Variants in ARID4B observed in about 807,000 individuals in gnomAD.
The protein encoded by ARID4B is AT-rich interactive domain-containing protein 4B.
A neutral mutation model predicts 147.5 loss-of-function variants in ARID4B; 26 were observed. That is an observed-to-expected ratio of 0.18 (90% confidence interval 0.13 to 0.24). The LOEUF is 0.24. Ranked by LOEUF, ARID4B falls within the 10% of genes least tolerant of loss-of-function variation. The probability of loss-of-function intolerance (pLI) is 1.00; values close to 1 mark genes in which losing one functional copy is unlikely to be tolerated. For synonymous variants in ARID4B, 512 were observed against 507.9 expected (o/e 1.01, Z -0.11); for missense variants, 1,179 against 1,511.5 (o/e 0.78, Z 3.65).
chr1:235,246,837 GAATT>G (rs1473209305), intron 6 of ARID4B, among the ~76,000 whole-genome samples: 1 of 152,026 alleles, frequency 6.6e-6, no homozygotes, highest in African/African-American at 2.4e-5. Flanking sequence ...ACAAATGTGA[GAATT>G]AAGAAATCTA....
intron 21 of ARID4B, chr1:235,176,828 C>A: frequency 2.1e-6 from 1 of 470,450 alleles, no homozygotes; most frequent in Non-Finnish European, 4.4e-6. Context: ...GCAGCCAAGC[C>A]GGCTGCTAGC....
intron 2 of ARID4B, among the ~76,000 whole-genome samples, chr1:235,291,012 T>C (rs749947080): frequency 2.0e-4 from 31 of 152,242 alleles, no homozygotes; most frequent in African/African-American, 5.5e-4. Context: ...GGTTGGAAGA[T>C]TGCTTGAGCC....
At chr1:235,282,907 A>G (rs1671751833) in intron 2 of ARID4B, among the ~76,000 whole-genome samples, 1 of 152,062 alleles carries the variant, frequency 6.6e-6, no homozygotes, top group Admixed American at 6.6e-5. Flanking sequence ...CAGCCTCCCG[A>G]GTAGTTGGGA....
chr1:235,239,523 T>C lies in ARID4B; in HGVS notation c.585+790A>G, dbSNP rs190402605. On this transcript the variant is annotated intron_variant, in intron 8 of 23. Coordinates refer to ENST00000264183, the MANE Select transcript of ARID4B (RefSeq NM_016374.6). ...GCCTAGTTATGTCCGTGAAAGATAT[T>C]AGTATATGTTCCCTTTCTAAAAGTC... Among the ~76,000 whole-genome samples, 312 of 152,326 alleles carry C rather than the reference T, an allele frequency of 2.0e-3. 2 individuals are homozygous for C. Among genetic ancestry groups the C allele is most frequent in the African/African-American group, 7.2e-3 (301 of 41,576 alleles).
At chr1:235,319,180 T>G (rs1185666448) in intron 2 of ARID4B, among the ~76,000 whole-genome samples, 1 of 152,200 alleles carries the variant, frequency 6.6e-6, no homozygotes, top group African/African-American at 2.4e-5. Context: ...TAGTGATGGA[T>G]GCACAAACTT....
At chr1:235,263,761 G>A (rs1351343067) in intron 2 of ARID4B, among the ~76,000 whole-genome samples, 2 of 151,932 alleles carry the variant, frequency 1.3e-5, no homozygotes, top group East Asian at 3.9e-4. Context: ...GCTGAGGCGG[G>A]CGGATCACGA....
At chr1:235,273,763 C>G (rs1029901186) in intron 2 of ARID4B, among the ~76,000 whole-genome samples, 4 of 152,306 alleles carry the variant, frequency 2.6e-5, no homozygotes, top group Middle Eastern at 3.4e-3. Context: ...CAACTACACA[C>G]TCAAAACACA....
chr1:235,326,139 T>C (rs1675227029), intron 2 of ARID4B, among the ~76,000 whole-genome samples: 2 of 152,150 alleles, frequency 1.3e-5, no homozygotes, highest in East Asian at 1.9e-4. Context: ...GGTTTTATTC[T>C]AGCATGTGTT....
Position 235,224,761 on chromosome 1 carries a change from T to C in ARID4B, c.912A>G (p.Pro304=). The part of the protein sequence containing the change: ...NSSEEEEEIE[P]FPEERENFLQ... The stretch of plus-strand genomic sequence containing the variant: ...GAAAGTTCTCCCTTTCTTCTGGAAA[T>C]GGTTCTATTTCTTCCTAATTTTAAT... The change falls in exon 12 of 24, where the codon CCA becomes CCG. Residue 304 remains proline, a synonymous_variant. Coordinates refer to ENST00000264183, the MANE Select transcript of ARID4B (RefSeq NM_016374.6). 2 of 1,594,990 alleles carry C rather than the reference T, an allele frequency of 1.3e-6. No individual in the cohort carries two copies. The highest frequency in any genetic ancestry group is 1.7e-6 in the Non-Finnish European group (2 of 1,165,812).
chr1:235,221,557 T>C lies in ARID4B; in HGVS notation c.1163+8A>G. 1 of 1,503,534 alleles carries C rather than the reference T, an allele frequency of 6.7e-7. No individual in the cohort carries two copies. Among genetic ancestry groups the C allele is most frequent in the Non-Finnish European group, 9.2e-7 (1 of 1,089,400 alleles). The allele number at this position is 1,503,534 out of a possible 1,614,324, so 93.1% of individuals were successfully genotyped here. A position where few individuals can be genotyped will look rare whatever the true frequency, so the allele number is the denominator to read the frequency against. ...CTGAAGATAATCATATCAATTATACTAACTTACTTTTTATAAGCACATTTA... is the reference window on the plus strand; with the variant it reads ...CTGAAGATAATCATATCAATTATACCAACTTACTTTTTATAAGCACATTTA... On this transcript the variant is annotated splice_region_variant and intron_variant, in intron 14 of 23. Transcript: ENST00000264183.
At position 235,264,092 on chromosome 1, in the gene ARID4B, GA is replaced by G. The variant is rs555770978; in HGVS notation, c.7-3341del. Among the ~76,000 whole-genome samples the G allele has an allele frequency of 5.6e-3, 856 of 152,250 alleles. 2 individuals are homozygous for G. Among genetic ancestry groups the G allele is most frequent in the Admixed American group, 7.7e-3 (117 of 15,290 alleles). ...GTGTTAATTCGTTAGAAAGAGCACA[GA>G]AAAAGCAGTGATCTGTGTTCTGATC... On this transcript the variant is annotated intron_variant, in intron 2 of 23. Coordinates refer to ENST00000264183, the MANE Select transcript of ARID4B (RefSeq NM_016374.6).
chr1:235,263,836 T>C (rs557959822), intron 2 of ARID4B, among the ~76,000 whole-genome samples: 47 of 147,368 alleles, frequency 3.2e-4, no homozygotes, highest in Non-Finnish European at 6.1e-4. Context: ...AAAAAAAAAA[T>C]ACAAAAAAAT....
chr1:235,172,866 A>G (rs1334988647), intron 22 of ARID4B, 102 bp from the exon 23 acceptor site: 2 of 974,460 alleles, frequency 2.1e-6, no homozygotes. Context: ...GTTGAGGCAG[A>G]TGAACTAAAA....
intron 23 of ARID4B, among the ~76,000 whole-genome samples, chr1:235,169,866 T>G (rs978231110): frequency 3.9e-5 from 6 of 152,162 alleles, no homozygotes; most frequent in Non-Finnish European, 8.8e-5. Flanking sequence ...TTCGTCATGT[T>G]GGCCAGTCTG....
At chr1:235,268,797 C>G (rs1338755712) in intron 2 of ARID4B, among the ~76,000 whole-genome samples, 1 of 152,128 alleles carries the variant, frequency 6.6e-6, no homozygotes, top group Admixed American at 6.5e-5. Context: ...AAATAACTCT[C>G]TCCATTATAA....
At chr1:235,279,941 C>G (rs1313654172) in intron 2 of ARID4B, among the ~76,000 whole-genome samples, 3 of 152,152 alleles carry the variant, frequency 2.0e-5, no homozygotes, top group African/African-American at 2.4e-5. Context: ...AAATTTGCAC[C>G]TGGTTTCCTC....
rs893265531 is a variant in ARID4B, at chr1:235,194,293, A to G, written c.1927-82T>C. 3 of 979,182 alleles carry G rather than the reference A, an allele frequency of 3.1e-6. No individual in the cohort carries two copies. The Admixed American group carries it at 7.5e-5, about 25-fold the overall frequency. 60.7% of individuals were successfully genotyped at this position (979,182 alleles called of 1,614,324 possible). ...TGTTAATGTCCACTTTTAACTCACT[A>G]TTACAGAATATGTTGTTAAATATTT... On this transcript the variant is annotated intron_variant, in intron 18 of 23. Coordinates refer to ENST00000264183, the MANE Select transcript of ARID4B (RefSeq NM_016374.6).
intron 2 of ARID4B, among the ~76,000 whole-genome samples, chr1:235,263,135 C>T (rs1215147296): frequency 6.6e-6 from 1 of 152,026 alleles, no homozygotes; most frequent in Non-Finnish European, 1.5e-5. Flanking sequence ...ACACATTCTG[C>T]CATACTAGCC....
At chr1:235,180,268 CT>C (rs957920471) in intron 20 of ARID4B, 1 of 149,584 alleles carries the variant, frequency 6.7e-6, no homozygotes, top group Non-Finnish European at 1.5e-5. Flanking sequence ...CCCAAGGTAG[CT>C]GGGACTACAG....
Sources: allele counts gnomAD v4.1 joint callset (sites outside exome capture counted in the v4.1 genomes callset), GRCh38; gene constraint gnomAD v4.1.1; transcripts MANE v1.5; gene names NCBI Gene and HGNC (gene_info 2026-07-23, HGNC 2026-07-21).